DNAH17: variants seen among roughly 807,000 people sequenced by gnomAD.
DNAH17 encodes the protein dynein axonemal heavy chain 17.
In DNAH17, 376 loss-of-function variants were observed where a neutral mutation model predicts 485.6. The ratio of observed to expected loss-of-function variants is 0.77; its 90% CI spans 0.71 to 0.84. The LOEUF (loss-of-function observed/expected upper bound fraction) is 0.84. DNAH17 is among the 40% of genes least tolerant of loss of function. The probability of loss-of-function intolerance (pLI) is 0.00; values close to 1 mark genes in which losing one functional copy is unlikely to be tolerated. For missense variants in DNAH17, 6,370 were observed against 5,839.3 expected, an observed-to-expected ratio of 1.09 and a Z score of -2.96; for synonymous variants, 3,031 against 2,405.9, an observed-to-expected ratio of 1.26 and a Z score of -7.60.
At chr17:78,449,095 C>CT (rs1219339574) in intron 69 of DNAH17, among the ~76,000 whole-genome samples, 2 of 152,176 alleles carry the variant, frequency 1.3e-5, no homozygotes, top group Non-Finnish European at 2.9e-5. Flanking sequence ...GGGCTAAGCA[C>CT]TAATGCAGGA....
intron 75 of DNAH17, among the ~76,000 whole-genome samples, chr17:78,432,023 C>A (rs1304502723): frequency 6.6e-6 from 1 of 151,000 alleles, no homozygotes; most frequent in Non-Finnish European, 1.5e-5. Context: ...CAAAACAAAA[C>A]AAAAACAAAA....
intron 41 of DNAH17, 110 bp from the exon 42 acceptor site, chr17:78,492,875 G>T (rs1441069418): frequency 8.8e-5 from 63 of 715,360 alleles, no homozygotes; most frequent in Non-Finnish European, 1.1e-4. Flanking sequence ...TTTTGAGATG[G>T]AGTTTCACTC....
intron 14 of DNAH17, among the ~76,000 whole-genome samples, chr17:78,555,315 C>T (rs1378685635): frequency 2.0e-5 from 3 of 152,116 alleles, no homozygotes; most frequent in African/African-American, 4.8e-5. Context: ...CTACACCCTA[C>T]GTGAGAGAAT....
chr17:78,484,006 G>A (rs183523589), intron 48 of DNAH17, among the ~76,000 whole-genome samples: 2 of 138,178 alleles, frequency 1.4e-5, no homozygotes, highest in Non-Finnish European at 1.5e-5. Flanking sequence ...TGAGGAAGGA[G>A]AATTCCTTGA....
At chr17:78,447,190 G>C (rs951116735) in intron 69 of DNAH17, among the ~76,000 whole-genome samples, 1 of 152,192 alleles carries the variant, frequency 6.6e-6, no homozygotes, top group African/African-American at 2.4e-5. Flanking sequence ...ACCTCCCAAA[G>C]TGTTGGGATA....
intron 14 of DNAH17, among the ~76,000 whole-genome samples, chr17:78,553,070 C>G (rs8080186): frequency 0.41 from 61,912 of 151,606 alleles, 12,764 homozygotes; most frequent in East Asian, 0.51. Flanking sequence ...CGTGCAATCT[C>G]CTTTTTAAAC....
Position 78,532,495 on chromosome 17 carries a change from T to G in DNAH17, c.3101A>C (p.Gln1034Pro). The G allele has an allele frequency of 6.2e-7, 1 of 1,610,660 alleles. No individual in the cohort carries two copies. Among genetic ancestry groups the G allele is most frequent in the Middle Eastern group, 1.9e-4 (1 of 5,200 alleles). ...GTCTGCACGCACCTGCTCCTGGAACTGAGCCAGGGTGGGCGGTGTCTTGGG... is the reference window on the plus strand; with the variant it reads ...GTCTGCACGCACCTGCTCCTGGAACGGAGCCAGGGTGGGCGGTGTCTTGGG... Reference protein sequence around the residue: ...TIPKTPPTLAQFQEQIDSYEK... With the variant: ...TIPKTPPTLAPFQEQIDSYEK... Residue 1034 changes from glutamine (Q) to proline (P), a missense_variant, in exon 20 of 81, where the codon CAG becomes CCG. Gln to Pro is a moderately conservative substitution (Grantham distance 76, BLOSUM62 -1). Transcript: ENST00000389840.
intron 15 of DNAH17, among the ~76,000 whole-genome samples, 159 bp from the exon 16 acceptor site, chr17:78,551,797 A>C (rs1412270713): frequency 6.6e-6 from 1 of 151,924 alleles, no homozygotes; most frequent in African/African-American, 2.4e-5. Flanking sequence ...CCCCATCTCT[A>C]CTAAAAATAC....
chr17:78,427,998 C>T (rs1030388300), intron 77 of DNAH17, among the ~76,000 whole-genome samples: 4 of 151,028 alleles, frequency 2.6e-5, no homozygotes, highest in Non-Finnish European at 5.9e-5. Context: ...AGTGGAGGTA[C>T]CCAGGAGGCA....
intron 25 of DNAH17, among the ~76,000 whole-genome samples, chr17:78,517,158 T>C (rs1296078242): frequency 6.6e-6 from 1 of 152,186 alleles, no homozygotes; most frequent in Non-Finnish European, 1.5e-5. Context: ...TCCTCCTGCC[T>C]CAGCCTCCCC....
chr17:78,570,189 G>GGGGAGGGGACCCAGCCAGGAGGGGA (rs1568271684), intron 7 of DNAH17, 58 bp downstream of exon 7: 5 of 1,514,662 alleles, frequency 3.3e-6, no homozygotes, highest in East Asian at 2.5e-5. Context: ...ACAGTGAACC[G>GGGGAGGGGACCCAGCCAGGAGGGGA]GGGAGGGGAC....
At chr17:78,491,351 C>A in intron 43 of DNAH17, 92 bp downstream of exon 43, 3 of 1,504,892 alleles carry the variant, frequency 2.0e-6, no homozygotes, top group East Asian at 2.4e-5. Context: ...GCCTGGCATG[C>A]AGGGCCTGAG....
chr17:78,480,641 A>C lies in DNAH17; in HGVS notation c.7752+43T>G. On this transcript the variant is annotated intron_variant, in intron 49 of 80. Transcript: ENST00000389840. ...CTCTCATTTGCCAGAAGCAAGCCTC[A>C]GACTCATGGCAGGTGACGGGGATGA... is the stretch of plus-strand genomic sequence containing the variant. 9 of 1,545,504 alleles carry C rather than the reference A, an allele frequency of 5.8e-6. 1 individual carries two copies. Among genetic ancestry groups the C allele is most frequent in the South Asian group, 2.3e-5 (2 of 87,620 alleles).
At chr17:78,474,309 G>A (rs1193469067) in intron 54 of DNAH17, among the ~76,000 whole-genome samples, 5 of 152,250 alleles carry the variant, frequency 3.3e-5, no homozygotes, top group Non-Finnish European at 7.3e-5. Context: ...CGTGTAGGAC[G>A]GCCCAATCGA....
chr17:78,530,563 G>A (rs574818372), intron 20 of DNAH17, 51 bp from the exon 21 acceptor site: 11 of 1,562,308 alleles, frequency 7.0e-6, no homozygotes, highest in South Asian at 2.4e-5. Context: ...GCCTAGGGGG[G>A]GCGTCAGCAC....
At chr17:78,554,624 C>T (rs769781081) in intron 14 of DNAH17, among the ~76,000 whole-genome samples, 3 of 152,074 alleles carry the variant, frequency 2.0e-5, no homozygotes, top group Admixed American at 1.3e-4. Flanking sequence ...GGAATCTCAT[C>T]GTACCAAGCA....
rs1348145228 is a variant in DNAH17 at position 78,543,871 on chromosome 17, G to A, written c.2518C>T (p.Gln840Ter). Residue 840 changes from glutamine to a stop codon, truncating the protein, a stop_gained, in exon 17 of 81, where the codon CAA becomes TAA. Transcript: ENST00000389840. LOFTEE classifies it high-confidence loss of function. ...AAVRDAGVKI[Q>*]AMVAENAELF... The stretch of plus-strand genomic sequence containing the variant: ...TGTTTCCTTACTGCAACCATGGCTT[G>A]GATCTTCACTCCAGCATCCCTGACT... The A allele has an allele frequency of 6.2e-6, 10 of 1,613,906 alleles. No individual in the cohort carries two copies. Among genetic ancestry groups the A allele is most frequent in the South Asian group, 1.1e-5 (1 of 91,092 alleles).
chr17:78,460,027 C>A (rs767673336), intron 59 of DNAH17, 26 bp from the exon 60 acceptor site: 2 of 1,610,744 alleles, frequency 1.2e-6, no homozygotes, highest in Non-Finnish European at 1.7e-6. Context: ...GGGATGGGTC[C>A]GATGGGAGTT....
intron 31 of DNAH17, among the ~76,000 whole-genome samples, chr17:78,504,696 G>A (rs1463870338): frequency 6.6e-6 from 1 of 152,094 alleles, no homozygotes; most frequent in African/African-American, 2.4e-5. Flanking sequence ...GTTTTCTGAC[G>A]GCAGAAGGAG....
Sources: gnomAD v4.1 joint callset for allele counts (sites outside exome capture counted in the v4.1 genomes callset) on GRCh38, gnomAD v4.1.1 for gene constraint, MANE v1.5 for transcripts, NCBI Gene and HGNC (gene_info 2026-07-23, HGNC 2026-07-21) for gene names.